The following PLXDC2 variants were observed in gnomAD, a reference collection of about 807,000 sequenced individuals.
PLXDC2 encodes plexin domain-containing protein 2.
Under a neutral mutation model 68.9 loss-of-function variants are expected in PLXDC2, and 40 were observed. That is an observed-to-expected ratio of 0.58 (90% confidence interval 0.45 to 0.76). The LOEUF is 0.76. PLXDC2 is among the 30% of genes least tolerant of loss of function. The pLI is 0.00. For synonymous variants in PLXDC2, 243 were observed against 234.2 expected, an observed-to-expected ratio of 1.04 and a Z score of -0.34; for missense variants, 644 against 661.9, an observed-to-expected ratio of 0.97 and a Z score of 0.30.
chr10:19,887,377 G>A (rs1837867428), intron 1 of PLXDC2, among the ~76,000 whole-genome samples: 2 of 152,000 alleles, frequency 1.3e-5, no homozygotes, highest in Non-Finnish European at 1.5e-5. Flanking sequence ...AAAAATTAGC[G>A]AGGTGTGGTG....
chr10:20,048,858 T>G (rs1484588012), intron 3 of PLXDC2, among the ~76,000 whole-genome samples: 1 of 152,132 alleles, frequency 6.6e-6, no homozygotes, highest in Non-Finnish European at 1.5e-5. Flanking sequence ...GATTGTGTCA[T>G]GAAAAATGAT....
chr10:19,910,537 C>A (rs756130168), intron 1 of PLXDC2, among the ~76,000 whole-genome samples: 1 of 150,682 alleles, frequency 6.6e-6, no homozygotes, highest in Non-Finnish European at 1.5e-5. Flanking sequence ...TGATAACTAC[C>A]CTTTCCCTTT....
At chr10:20,015,864 G>A (rs187224726) in intron 2 of PLXDC2, among the ~76,000 whole-genome samples, 7 of 152,160 alleles carry the variant, frequency 4.6e-5, no homozygotes, top group African/African-American at 1.4e-4. Flanking sequence ...TCCAACCATC[G>A]TGTTCACTCT....
intron 1 of PLXDC2, among the ~76,000 whole-genome samples, chr10:19,934,002 G>A (rs944048350): frequency 6.6e-5 from 10 of 152,222 alleles, no homozygotes; most frequent in African/African-American, 2.4e-4. Flanking sequence ...TTCTTGTTTT[G>A]TAGAATATTA....
intron 1 of PLXDC2, among the ~76,000 whole-genome samples, chr10:19,877,442 A>G (rs1386628775): frequency 2.0e-5 from 3 of 152,216 alleles, no homozygotes. Context: ...TTATTAGCTT[A>G]TGAAGTATTT....
chr10:19,819,105 G>A (rs1456614352), intron 1 of PLXDC2, among the ~76,000 whole-genome samples: 1 of 151,466 alleles, frequency 6.6e-6, no homozygotes, highest in Non-Finnish European at 1.5e-5. Context: ...CAGAAATTGA[G>A]GATGAAATTC....
chr10:20,238,696 C>CACATATATGTGTGTATATAT (rs1554777593), intron 12 of PLXDC2, among the ~76,000 whole-genome samples: 1 of 113,260 alleles, frequency 8.8e-6, no homozygotes, highest in African/African-American at 3.5e-5. Context: ...TATATATACA[C>CACATATATGTGTGTATATAT]ACATATATAT....
At chr10:20,011,420 G>T (rs894121338) in intron 2 of PLXDC2, among the ~76,000 whole-genome samples, 2 of 152,170 alleles carry the variant, frequency 1.3e-5, no homozygotes, top group African/African-American at 2.4e-5. Flanking sequence ...CACACCATAT[G>T]GTCCAGGCTT....
intron 12 of PLXDC2, among the ~76,000 whole-genome samples, chr10:20,225,325 A>G (rs1835271121): frequency 6.6e-6 from 1 of 152,220 alleles, no homozygotes; most frequent in South Asian, 2.1e-4. Flanking sequence ...ACTTTCATAC[A>G]TAAATCATCA....
At chr10:19,918,666 T>C (rs1833408475) in intron 1 of PLXDC2, among the ~76,000 whole-genome samples, 1 of 152,210 alleles carries the variant, frequency 6.6e-6, no homozygotes, top group South Asian at 2.1e-4. Flanking sequence ...TGAGAGAACA[T>C]ATTAAAGAAA....
Position 19,951,397 on chromosome 10 carries a change from GA to G in PLXDC2, c.113-50370del, listed in dbSNP as rs918197573. Among the ~76,000 whole-genome samples the G allele has an allele frequency of 1.4e-4, 21 of 151,630 alleles. No homozygotes were observed. In the East Asian group the frequency reaches 2.5e-3, roughly 18 times the overall value. ...ACACATAGGTAGCCAACAAACATAT[GA>G]AAAAAAATGCTCATTATCACTAATC... On this transcript the variant is annotated intron_variant, in intron 1 of 13. Transcript: ENST00000377252.
chr10:20,059,716 G>A (rs545102010), intron 3 of PLXDC2, among the ~76,000 whole-genome samples: 1 of 152,078 alleles, frequency 6.6e-6, no homozygotes, highest in Admixed American at 6.5e-5. Flanking sequence ...GAGTTTTCAG[G>A]GACTGGATTA....
At chr10:20,041,686 A>G (rs34399153) in intron 2 of PLXDC2, among the ~76,000 whole-genome samples, 61,455 of 151,956 alleles carry the variant, frequency 0.4, 13,883 homozygotes, top group Non-Finnish European at 0.52. Context: ...TGCCTTAACC[A>G]AAGATGGCAG....
At chr10:20,179,903 C>T (rs888064698) in intron 9 of PLXDC2, among the ~76,000 whole-genome samples, 1 of 152,040 alleles carries the variant, frequency 6.6e-6, no homozygotes, top group Non-Finnish European at 1.5e-5. Flanking sequence ...ATCAAACCTC[C>T]GTCTTTGTGA....
intron 1 of PLXDC2, among the ~76,000 whole-genome samples, chr10:19,831,157 G>A (rs1319045464): frequency 6.6e-6 from 1 of 152,164 alleles, no homozygotes; most frequent in Admixed American, 6.5e-5. Context: ...AATCTCAGAT[G>A]TCCAGTGGCA....
chr10:19,825,830 G>C (rs187678052), intron 1 of PLXDC2, among the ~76,000 whole-genome samples: 78 of 152,202 alleles, frequency 5.1e-4, no homozygotes, highest in African/African-American at 1.8e-3. Flanking sequence ...AGCTACCGCT[G>C]ACCTAATGAA....
intron 1 of PLXDC2, among the ~76,000 whole-genome samples, chr10:19,829,581 T>A (rs1836646741): frequency 6.6e-6 from 1 of 151,880 alleles, no homozygotes; most frequent in Admixed American, 6.6e-5. Context: ...TACAAAAAAT[T>A]AGCCAGACGT....
At chr10:19,930,953 G>C (rs1457091852) in intron 1 of PLXDC2, among the ~76,000 whole-genome samples, 2 of 152,140 alleles carry the variant, frequency 1.3e-5, no homozygotes, top group Non-Finnish European at 2.9e-5. Context: ...GACAGAGAGA[G>C]ACTCCGCTGA....
At chr10:20,055,167 T>G (rs531890114) in intron 3 of PLXDC2, among the ~76,000 whole-genome samples, 47 of 152,112 alleles carry the variant, frequency 3.1e-4, no homozygotes, top group Non-Finnish European at 4.1e-4. Flanking sequence ...ATGTGTTGAT[T>G]GTTTAAAATT....
Sources: gnomAD v4.1 joint callset for allele counts (sites outside exome capture counted in the v4.1 genomes callset) on GRCh38, gnomAD v4.1.1 for gene constraint, MANE v1.5 for transcripts, NCBI Gene and HGNC (gene_info 2026-07-23, HGNC 2026-07-21) for gene names.